PTPRT: variants seen among roughly 807,000 people sequenced by gnomAD.
The protein encoded by PTPRT is protein tyrosine phosphatase receptor type T.
PTPRT carries 56 observed loss-of-function variants against 176.8 expected under a neutral mutation model. The observed-to-expected ratio is 0.32, with a 90% confidence interval of 0.26 to 0.40. PTPRT has a LOEUF of 0.40. Among genes scored for constraint, PTPRT ranks in the 10% least tolerant of loss-of-function variants. The pLI, the probability that PTPRT is intolerant of heterozygous loss-of-function variation, is 1.00. For synonymous variants in PTPRT, 783 were observed against 739.0 expected (o/e 1.06, Z -0.96); for missense variants, 1,540 against 1,908.2 (o/e 0.81, Z 3.60).
chr20:42,178,696 G>A (rs1453951343), intron 16 of PTPRT, among the ~76,000 whole-genome samples: 2 of 152,142 alleles, frequency 1.3e-5, no homozygotes, highest in Admixed American at 6.5e-5. Flanking sequence ...CAAGCTGACC[G>A]CTGTGGTAAT....
At chr20:42,350,518 T>A in intron 11 of PTPRT, 110 bp downstream of exon 11, 3 of 931,632 alleles carry the variant, frequency 3.2e-6, no homozygotes, top group Non-Finnish European at 5.1e-6. Flanking sequence ...GAGGAAGCTT[T>A]GTTCCTGGCC....
At chr20:42,821,396 G>C (rs2077890950) in intron 2 of PTPRT, among the ~76,000 whole-genome samples, 1 of 152,070 alleles carries the variant, frequency 6.6e-6, no homozygotes. Context: ...AACCTTGGTA[G>C]TGATGGAACA....
At chr20:43,102,284 T>TACACACACACA (rs1555832317) in intron 1 of PTPRT, among the ~76,000 whole-genome samples, 1 of 140,452 alleles carries the variant, frequency 7.1e-6, no homozygotes, top group Non-Finnish European at 1.6e-5. Context: ...CACTCACACA[T>TACACACACACA]CACACACACA....
chr20:42,549,542 T>A (rs1311735374), intron 7 of PTPRT, among the ~76,000 whole-genome samples: 1 of 152,126 alleles, frequency 6.6e-6, no homozygotes, highest in Non-Finnish European at 1.5e-5. Flanking sequence ...TGCTATAAAC[T>A]GTGGCCCATC....
At chr20:42,628,244 T>C (rs893890476) in intron 7 of PTPRT, among the ~76,000 whole-genome samples, 1 of 152,128 alleles carries the variant, frequency 6.6e-6, no homozygotes, top group East Asian at 1.9e-4. Flanking sequence ...ATGGTTCTGA[T>C]ACAGAAAATA....
chr20:42,032,923 G>A, the PTPRT span, among the ~76,000 whole-genome samples: 1 of 152,306 alleles, frequency 6.6e-6, no homozygotes, highest in South Asian at 2.1e-4. Context: ...GAGCTTGGAT[G>A]TAGAGCCTTT....
chr20:42,161,423 C>G lies in PTPRT; in HGVS notation c.2611G>C (p.Val871Leu). 6.2e-7 allele frequency: 1 copy of G among 1,614,160 alleles called. No homozygotes were observed. The highest frequency in any genetic ancestry group is 8.5e-7 in the Non-Finnish European group (1 of 1,180,026). Residue 871 changes from valine (V) to leucine (L), a missense_variant, in exon 17 of 31, where the codon GTG (valine) becomes CTG (leucine). Coordinates refer to ENST00000373187, the MANE Select transcript of PTPRT (RefSeq NM_007050.6). ...PRDQFQPAIR[V>L]ADLLQHITQM... ...GTGATGTGCTGCAGCAAGTCAGCCA[C>G]CCGGATGGCGGGTTGGAACTGGTCC... is the stretch of plus-strand genomic sequence containing the variant.
At chr20:42,168,549 G>T (rs143642163) in intron 16 of PTPRT, among the ~76,000 whole-genome samples, 3 of 152,262 alleles carry the variant, frequency 2.0e-5, no homozygotes, top group African/African-American at 7.2e-5. Flanking sequence ...GCCAGAATCT[G>T]GGAAGAAAAC....
intron 1 of PTPRT, among the ~76,000 whole-genome samples, chr20:43,132,837 T>C (rs1442647156): frequency 6.6e-6 from 1 of 152,168 alleles, no homozygotes; most frequent in East Asian, 1.9e-4. Context: ...AACTTGATAG[T>C]TATTTGCAAA....
chr20:43,172,869 C>CTTTTTT (rs1156414727), intron 1 of PTPRT, among the ~76,000 whole-genome samples: 3 of 117,514 alleles, frequency 2.6e-5, no homozygotes, highest in African/African-American at 6.8e-5. Context: ...AGTCTGCAGT[C>CTTTTTT]TTTTTTTTTT....
At chr20:42,877,331 G>C (rs1028274632) in intron 2 of PTPRT, among the ~76,000 whole-genome samples, 6 of 152,150 alleles carry the variant, frequency 3.9e-5, no homozygotes, top group Non-Finnish European at 7.3e-5. Flanking sequence ...GCTGCATCCA[G>C]GTTACCTATT....
At chr20:42,585,748 G>T (rs1326013979) in intron 7 of PTPRT, among the ~76,000 whole-genome samples, 1 of 152,054 alleles carries the variant, frequency 6.6e-6, no homozygotes, top group Non-Finnish European at 1.5e-5. Context: ...ATTGCTTTAT[G>T]ATTTCAGTTT....
intron 1 of PTPRT, among the ~76,000 whole-genome samples, chr20:43,020,040 C>G (rs1985586767): frequency 6.6e-6 from 1 of 151,204 alleles, no homozygotes; most frequent in Admixed American, 6.6e-5. Context: ...AGTGAATTCC[C>G]CTAACAAATC....
chr20:42,811,242 T>C (rs78732852), intron 2 of PTPRT, among the ~76,000 whole-genome samples: 1,958 of 152,314 alleles, frequency 0.013, 43 homozygotes, highest in African/African-American at 0.045. Flanking sequence ...GTCATTAACA[T>C]ATGGCAAACA....
intron 7 of PTPRT, among the ~76,000 whole-genome samples, chr20:42,533,326 C>G (rs564419233): frequency 1.7e-3 from 252 of 152,290 alleles, no homozygotes; most frequent in Non-Finnish European, 3.1e-3. Context: ...TGCGGGTGTG[C>G]CGCCGGGTCT....
intron 8 of PTPRT, among the ~76,000 whole-genome samples, chr20:42,448,682 C>G (rs958003219): frequency 1.3e-5 from 2 of 151,956 alleles, no homozygotes; most frequent in African/African-American, 4.8e-5. Context: ...TGAACTGAAC[C>G]GGATAAGGGC....
chr20:42,289,552 G>A (rs76151852), intron 12 of PTPRT, among the ~76,000 whole-genome samples: 11 of 152,052 alleles, frequency 7.2e-5, no homozygotes, highest in East Asian at 3.9e-4. Flanking sequence ...GTTAATCATC[G>A]GAGAAATGCA....
At chr20:42,656,723 G>C (rs1194285375) in intron 7 of PTPRT, among the ~76,000 whole-genome samples, 2 of 152,116 alleles carry the variant, frequency 1.3e-5, no homozygotes, top group African/African-American at 4.8e-5. Flanking sequence ...GCTGATTACA[G>C]CTTTTAAAAA....
chr20:42,504,024 T>C (rs2071801751), intron 7 of PTPRT, among the ~76,000 whole-genome samples: 1 of 152,168 alleles, frequency 6.6e-6, no homozygotes, highest in Non-Finnish European at 1.5e-5. Flanking sequence ...ATTTGTTTTT[T>C]CCTTTTCAGC....
Sources: allele counts gnomAD v4.1 joint callset (sites outside exome capture counted in the v4.1 genomes callset), GRCh38; gene constraint gnomAD v4.1.1; transcripts MANE v1.5; gene names NCBI Gene and HGNC (gene_info 2026-07-23, HGNC 2026-07-21).